NT5M: variants seen among roughly 807,000 people sequenced by gnomAD.
NT5M encodes the protein 5',3'-nucleotidase, mitochondrial, also known as 5'(3')-deoxyribonucleotidase, mitochondrial.
NT5M carries 22 observed loss-of-function variants against 22.2 expected under a neutral mutation model. The ratio of observed to expected loss-of-function variants is 0.99; its 90% CI spans 0.71 to 1.41. NT5M has a LOEUF of 1.41. Ranked by LOEUF, NT5M falls within the 40% of genes most tolerant of loss-of-function variation. The pLI, the probability that NT5M is intolerant of heterozygous loss-of-function variation, is 0.00. For missense variants in NT5M, 322 were observed against 314.8 expected (o/e 1.02, Z -0.17); for synonymous variants, 167 against 133.0 (o/e 1.26, Z -1.76).
intron 3 of NT5M, among the ~76,000 whole-genome samples, chr17:17,323,945 G>A (rs1054375671): frequency 3.3e-5 from 5 of 152,100 alleles, no homozygotes; most frequent in Non-Finnish European, 5.9e-5. Flanking sequence ...GCACGATCCT[G>A]GCTCACTGCC....
intron 3 of NT5M, among the ~76,000 whole-genome samples, chr17:17,338,212 A>G (rs1211078065): frequency 1.4e-5 from 2 of 140,264 alleles, no homozygotes; most frequent in Non-Finnish European, 3.1e-5. Context: ...TTTTTTTTTG[A>G]GACGGAGTCT....
chr17:17,340,538 T>A (rs529108170), intron 3 of NT5M, among the ~76,000 whole-genome samples: 18 of 152,126 alleles, frequency 1.2e-4, no homozygotes, highest in Admixed American at 2.0e-4. Context: ...CTTTTTTTTT[T>A]AATTTTGAGA....
At chr17:17,333,834 ATTTT>A (rs35917484) in intron 3 of NT5M, among the ~76,000 whole-genome samples, 1 of 117,200 alleles carries the variant, frequency 8.5e-6, no homozygotes. Context: ...ATGTTTTTGT[ATTTT>A]TTTTTTTTTT....
At chr17:17,317,635 G>A (rs904098658) in intron 2 of NT5M, among the ~76,000 whole-genome samples, 4 of 152,080 alleles carry the variant, frequency 2.6e-5, no homozygotes, top group Non-Finnish European at 5.9e-5. Flanking sequence ...ATAAAACAGT[G>A]CAGCCAGTGT....
intron 2 of NT5M, among the ~76,000 whole-genome samples, chr17:17,319,207 G>A (rs558134301): frequency 1.1e-4 from 13 of 114,384 alleles, no homozygotes; most frequent in Admixed American, 6.7e-4. Flanking sequence ...GTGAGACCTC[G>A]TCTTAGAAAA....
At chr17:17,323,075 A>G in intron 2 of NT5M, 110 bp from the exon 3 acceptor site, 1 of 851,438 alleles carries the variant, frequency 1.2e-6, no homozygotes, top group Non-Finnish European at 2.1e-6. Context: ...CAGCAGGGGA[A>G]GGGTTCAGAC....
At chr17:17,345,403 G>T in intron 4 of NT5M, 1 of 309,980 alleles carries the variant, frequency 3.2e-6, no homozygotes, top group Non-Finnish European at 4.7e-6. Context: ...TGGGCGTGGT[G>T]ACTCACGCCT....
At chr17:17,335,072 G>A (rs909423340) in intron 3 of NT5M, among the ~76,000 whole-genome samples, 6 of 150,760 alleles carry the variant, frequency 4.0e-5, no homozygotes, top group African/African-American at 1.5e-4. Context: ...TGCACATATT[G>A]TGTTAAATTT....
At chr17:17,310,854 C>A (rs1026696868) in intron 2 of NT5M, among the ~76,000 whole-genome samples, 1 of 152,026 alleles carries the variant, frequency 6.6e-6, no homozygotes, top group South Asian at 2.1e-4. Context: ...AGAGCGAGAC[C>A]CTGTCTAAAA....
At chr17:17,335,469 G>A (rs2049488130) in intron 3 of NT5M, among the ~76,000 whole-genome samples, 1 of 151,798 alleles carries the variant, frequency 6.6e-6, no homozygotes, top group Non-Finnish European at 1.5e-5. Context: ...TTTAATTTTT[G>A]TGGGTACATA....
intron 3 of NT5M, among the ~76,000 whole-genome samples, chr17:17,342,220 C>T (rs2049658106): frequency 6.6e-6 from 1 of 152,154 alleles, no homozygotes; most frequent in Non-Finnish European, 1.5e-5. Context: ...TTCTAGAATA[C>T]ATTAACTACT....
chr17:17,346,880 C>G lies in NT5M; in HGVS notation c.620C>G (p.Pro207Arg), dbSNP rs570918392. 6.2e-7 allele frequency: 1 copy of G among 1,609,812 alleles called. No individual in the cohort carries two copies. The highest frequency in any genetic ancestry group is 8.5e-7 in the Non-Finnish European group (1 of 1,179,910). ...CHNQHLQLQP[P>R]RRRLHSWADD... ...AACCAGCACCTGCAGCTGCAGCCCC[C>G]CCGCCGCAGGCTGCACTCGTGGGCG... The change falls in exon 5 of 5, where the codon CCC (proline) becomes CGC (arginine). Residue 207 changes from proline to arginine, a missense_variant. Coordinates refer to ENST00000389022, the MANE Select transcript of NT5M (RefSeq NM_020201.4).
At chr17:17,329,052 A>C (rs1177332376) in intron 3 of NT5M, among the ~76,000 whole-genome samples, 2 of 152,116 alleles carry the variant, frequency 1.3e-5, no homozygotes, top group Non-Finnish European at 2.9e-5. Context: ...ATCTTGGCTC[A>C]CTGCAAGCTC....
intron 2 of NT5M, among the ~76,000 whole-genome samples, chr17:17,317,962 CAAAAAAA>C (rs35320589): frequency 2.7e-5 from 2 of 74,076 alleles, no homozygotes; most frequent in African/African-American, 6.0e-5. Flanking sequence ...ACTCCATGAT[CAAAAAAA>C]AAAAAAAAAA....
chr17:17,328,406 GAGTA>G (rs1309453695), intron 3 of NT5M, among the ~76,000 whole-genome samples: 4 of 152,162 alleles, frequency 2.6e-5, no homozygotes, highest in African/African-American at 9.7e-5. Flanking sequence ...GGTGAGAAGT[GAGTA>G]AGGCGAAGGT....
chr17:17,321,621 A>G (rs1481312498), intron 2 of NT5M, among the ~76,000 whole-genome samples: 4 of 152,060 alleles, frequency 2.6e-5, no homozygotes, highest in Admixed American at 1.3e-4. Context: ...GGTGTCAGGA[A>G]TTGAAGGTGA....
rs779070298 is a variant in NT5M at position 17,346,807 on chromosome 17, G to A, written c.547G>A (p.Ala183Thr). 1.9e-6 allele frequency: 3 copies of A among 1,606,682 alleles called. No individual in the cohort carries two copies. Among genetic ancestry groups the A allele is most frequent in the South Asian group, 1.1e-5 (1 of 91,042 alleles). Residue 183 changes from alanine to threonine, a missense_variant and splice_region_variant, in exon 5 of 5, where the codon GCC becomes ACC. Ala to Thr is a moderately conservative substitution (Grantham distance 58, BLOSUM62 0). Transcript: ENST00000389022. ...GAATGCCGCTTTCCCACCCACAGGGGCCGAGCCAACCCCCAGCTGGGAGCA... is the reference window on the plus strand; with the variant it reads ...GAATGCCGCTTTCCCACCCACAGGGACCGAGCCAACCCCCAGCTGGGAGCA... ...LIDDRPDITG[A>T]EPTPSWEHVL... is the part of the protein sequence containing the mutation.
Position 17,347,399 on chromosome 17 carries a change from T to G in NT5M, c.*452T>G, listed in dbSNP as rs1233294250. 5.8e-6 allele frequency: 1 copy of G among 172,900 alleles called. No individual in the cohort carries two copies. Among genetic ancestry groups the G allele is most frequent in the Non-Finnish European group, 1.2e-5 (1 of 81,130 alleles). The allele number at this position is 172,900 out of a possible 1,614,324, so 10.7% of individuals were successfully genotyped here. ...CCAGGTGGGGACAAGCCCCTCTTGG[T>G]CTCAGCCACAGCACCCCTTATTCCA... On this transcript the variant is annotated 3_prime_UTR_variant, in exon 5 of 5. Transcript: ENST00000389022.
chr17:17,325,688 C>T (rs2049251150), intron 3 of NT5M, among the ~76,000 whole-genome samples: 1 of 152,186 alleles, frequency 6.6e-6, no homozygotes, highest in Non-Finnish European at 1.5e-5. Context: ...ACCACATACA[C>T]CCTCCTGAGC....
Sources: allele counts gnomAD v4.1 joint callset (sites outside exome capture counted in the v4.1 genomes callset), GRCh38; gene constraint gnomAD v4.1.1; transcripts MANE v1.5; gene names NCBI Gene and HGNC (gene_info 2026-07-23, HGNC 2026-07-21).